The following EXPH5 variants were observed in gnomAD, a reference collection of about 807,000 sequenced individuals.
EXPH5 encodes exophilin 5, also known as exophilin-5.
A neutral mutation model predicts 41.1 loss-of-function variants in EXPH5; 42 were observed. The observed-to-expected ratio is 1.02, with a 90% CI of 0.80 to 1.32. The LOEUF is 1.32. Ranked by LOEUF, EXPH5 falls within the 40% of genes most tolerant of loss-of-function variation. The pLI is 0.00. For synonymous variants in EXPH5, 798 were observed against 833.5 expected, an observed-to-expected ratio of 0.96 and a Z score of 0.73; for missense variants, 2,298 against 2,314.5, an observed-to-expected ratio of 0.99 and a Z score of 0.15.
At chr11:108,544,433 G>A (rs1445753138) in intron 1 of EXPH5, among the ~76,000 whole-genome samples, 1 of 152,096 alleles carries the variant, frequency 6.6e-6, no homozygotes, top group Admixed American at 6.6e-5. Flanking sequence ...CCCTCAAATT[G>A]TTGAGATTAC....
At chr11:108,572,719 C>T (rs1011107834) in intron 1 of EXPH5, among the ~76,000 whole-genome samples, 3 of 151,948 alleles carry the variant, frequency 2.0e-5, no homozygotes, top group Non-Finnish European at 4.4e-5. Context: ...CCACCATGCC[C>T]AGCTAATTTT....
chr11:108,552,999 C>T (rs879454273), intron 1 of EXPH5, among the ~76,000 whole-genome samples: 5 of 152,214 alleles, frequency 3.3e-5, no homozygotes, highest in Admixed American at 3.3e-4. Flanking sequence ...AGTTTGAAAC[C>T]AGCCTGGCCA....
At chr11:108,574,906 G>C (rs556081258) in intron 1 of EXPH5, among the ~76,000 whole-genome samples, 5 of 152,204 alleles carry the variant, frequency 3.3e-5, no homozygotes, top group African/African-American at 1.2e-4. Context: ...GTCTGGAGCA[G>C]CTGCAGCTAT....
chr11:108,576,705 G>A (rs1029209694), intron 1 of EXPH5, among the ~76,000 whole-genome samples: 2 of 152,018 alleles, frequency 1.3e-5, no homozygotes, highest in African/African-American at 2.4e-5. Flanking sequence ...GATATCCATT[G>A]CCTCAAGCAT....
chr11:108,543,311 A>G (rs1359920645), intron 1 of EXPH5, among the ~76,000 whole-genome samples: 4 of 152,072 alleles, frequency 2.6e-5, no homozygotes, highest in Admixed American at 2.6e-4. Flanking sequence ...TACTTTTTTC[A>G]AAGTAGATCA....
rs1003740213 is a variant in EXPH5, at chr11:108,512,796, G to A, written c.2711C>T (p.Thr904Ile). 2.3e-5 allele frequency: 37 copies of A among 1,614,048 alleles called. No homozygotes were observed. Among genetic ancestry groups the A allele is most frequent in the Admixed American group, 8.3e-5 (5 of 60,004 alleles). ...SLDAPVVPST[T>I]VFSRRSPSDK... Reference sequence around the variant, plus strand: ...TGAAGGACTTCTCCTGGAGAACACTGTAGTAGATGGAACCACAGGAGCATC... The same window carrying A: ...TGAAGGACTTCTCCTGGAGAACACTATAGTAGATGGAACCACAGGAGCATC... The change falls in exon 6 of 6, where the codon ACA becomes ATA. Residue 904 changes from threonine to isoleucine, a missense_variant. Physicochemically the swap from Thr to Ile is moderately conservative, Grantham distance 89. Transcript: ENST00000265843.
chr11:108,554,785 G>C (rs1057442044), intron 1 of EXPH5, among the ~76,000 whole-genome samples: 1 of 152,126 alleles, frequency 6.6e-6, no homozygotes, highest in Non-Finnish European at 1.5e-5. Flanking sequence ...TTAGCCGGGC[G>C]TGGTGGCGCA....
the EXPH5 span, among the ~76,000 whole-genome samples, chr11:108,600,345 C>T: frequency 6.6e-6 from 1 of 152,044 alleles, no homozygotes; most frequent in Non-Finnish European, 1.5e-5. Context: ...TCCAACTAAA[C>T]CTGAAGTTTC....
In EXPH5 at chr11:108,511,753, T is replaced by C. The variant is rs750123308; in HGVS notation, c.3754A>G (p.Ile1252Val). 1.8e-5 allele frequency: 29 copies of C among 1,612,302 alleles called. No individual in the cohort carries two copies. Among genetic ancestry groups the C allele is most frequent in the Non-Finnish European group, 2.3e-5 (27 of 1,179,620 alleles). Residue 1252 changes from isoleucine to valine, a missense_variant, in exon 6 of 6, where the codon ATA (isoleucine) becomes GTA (valine). Coordinates refer to ENST00000265843, the MANE Select transcript of EXPH5 (RefSeq NM_015065.3). ...DNVKCLEVVS[I>V]YYTLPRKPSK... ...GGTTTCCTCGGTAGAGTGTAATATA[T>C]TGAGACCACCTCCAGACATTTTACA...
Position 108,511,497 on chromosome 11 carries a change from CT to C in EXPH5, c.4009del (p.Arg1337GlyfsTer4). On this transcript the variant is annotated frameshift_variant, in exon 6 of 6. Coordinates refer to ENST00000265843, the MANE Select transcript of EXPH5 (RefSeq NM_015065.3). LOFTEE classifies it low-confidence loss of function (END_TRUNC). ...CTGTAATGTAGGAGCTAGGGGCCCC[CT>C]ATTTGATAATCGGAAGGCAGTCATA... ...ENMTAFRLSN[R>X]GPLAPTLQEM... 1.3e-6 allele frequency: 2 copies of C among 1,591,224 alleles called. No homozygotes were observed. The highest frequency in any genetic ancestry group is 1.7e-6 in the Non-Finnish European group (2 of 1,171,866).
the EXPH5 span, among the ~76,000 whole-genome samples, chr11:108,598,815 A>G: frequency 1.3e-5 from 2 of 152,196 alleles, no homozygotes; most frequent in African/African-American, 4.8e-5. Flanking sequence ...TGTGGGCCTG[A>G]TAACATAAGG....
At chr11:108,548,109 T>TTAA (rs1281782652) in intron 1 of EXPH5, among the ~76,000 whole-genome samples, 4 of 108,202 alleles carry the variant, frequency 3.7e-5, no homozygotes, top group Non-Finnish European at 6.9e-5. Flanking sequence ...ACTTCATCTT[T>TTAA]AAAAAAAAAA....
At chr11:108,541,881 A>G (rs2093914967) in intron 1 of EXPH5, 69 bp from the exon 2 acceptor site, 2 of 1,325,488 alleles carry the variant, frequency 1.5e-6, no homozygotes, top group South Asian at 1.5e-5. Flanking sequence ...CCTTAAATCA[A>G]TGTACTTTTT....
intron 1 of EXPH5, among the ~76,000 whole-genome samples, chr11:108,582,231 G>A (rs2624141): frequency 1 from 152,004 of 152,344 alleles, 75,833 homozygotes; most frequent in Middle Eastern, 1. Context: ...TGGGAGGCTG[G>A]GGCGGGGGAT....
Position 108,513,633 on chromosome 11 carries a change from G to T in EXPH5, c.1874C>A (p.Ser625Tyr), listed in dbSNP as rs773013035. ...SSFGIAQTLA[S>Y]SFKTSFSQIS... is the part of the protein sequence containing the mutation. ...CTGGGAAAAGGAAGTTTTGAATGAG[G>T]ATGCTAGAGTCTGAGCAATTCCAAA... Residue 625 changes from serine to tyrosine, a missense_variant, in exon 6 of 6, where the codon TCC becomes TAC. By Grantham distance (144) the Ser-to-Tyr change is moderately radical (BLOSUM62 -2). Transcript: ENST00000265843. 2.5e-6 allele frequency: 4 copies of T among 1,612,664 alleles called. No individual in the cohort carries two copies. Among genetic ancestry groups the T allele is most frequent in the Admixed American group, 1.7e-5 (1 of 59,808 alleles).
intron 1 of EXPH5, among the ~76,000 whole-genome samples, chr11:108,564,089 G>A (rs1304482612): frequency 6.6e-6 from 1 of 152,040 alleles, no homozygotes; most frequent in Non-Finnish European, 1.5e-5. Context: ...AGGTCAGCCT[G>A]GCCAACATGG....
At chr11:108,600,232 T>G in the EXPH5 span, among the ~76,000 whole-genome samples, 3 of 152,336 alleles carry the variant, frequency 2.0e-5, no homozygotes, top group East Asian at 5.8e-4. Context: ...CCTTTCTCCA[T>G]CAACAGCCTA....
intron 1 of EXPH5, among the ~76,000 whole-genome samples, chr11:108,574,651 G>A (rs2094074086): frequency 6.6e-6 from 1 of 152,122 alleles, no homozygotes; most frequent in Non-Finnish European, 1.5e-5. Flanking sequence ...AATCTCAGGG[G>A]ATGGATCATG....
intron 1 of EXPH5, among the ~76,000 whole-genome samples, chr11:108,560,693 C>T (rs1321171651): frequency 1.3e-5 from 2 of 152,176 alleles, no homozygotes; most frequent in Non-Finnish European, 2.9e-5. Context: ...TCCTGAGAAC[C>T]ACTCCTGGAA....
Sources: allele counts gnomAD v4.1 joint callset (sites outside exome capture counted in the v4.1 genomes callset), GRCh38; gene constraint gnomAD v4.1.1; transcripts MANE v1.5; gene names NCBI Gene and HGNC (gene_info 2026-07-23, HGNC 2026-07-21).